ADAM22: variants seen among roughly 807,000 people sequenced by gnomAD.
ADAM22 encodes ADAM metallopeptidase domain 22, also known as disintegrin and metalloproteinase domain-containing protein 22.
In ADAM22, 65 loss-of-function variants were observed where a neutral mutation model predicts 144.6. The ratio of observed to expected loss-of-function variants is 0.45; its 90% CI spans 0.37 to 0.55. The LOEUF (loss-of-function observed/expected upper bound fraction) is 0.55. ADAM22 is among the 20% of genes least tolerant of loss of function. The pLI, the probability that ADAM22 is intolerant of heterozygous loss-of-function variation, is 0.00. For synonymous variants in ADAM22, 391 were observed against 412.6 expected (o/e 0.95, Z 0.63); for missense variants, 974 against 1,184.9 (o/e 0.82, Z 2.61).
At chr7:88,181,736 A>G in intron 28 of ADAM22, 131 bp downstream of exon 28, 1 of 855,630 alleles carries the variant, frequency 1.2e-6, no homozygotes, top group South Asian at 1.8e-5. Context: ...AATATGTAGA[A>G]TGAGAGCCTA....
chr7:87,943,499 C>G (rs1460949850), intron 2 of ADAM22, among the ~76,000 whole-genome samples: 2 of 152,058 alleles, frequency 1.3e-5, no homozygotes, highest in Admixed American at 6.6e-5. Flanking sequence ...AGTTATTTTA[C>G]ATATAATTAA....
At chr7:88,143,854 C>T (rs1489243476) in intron 15 of ADAM22, among the ~76,000 whole-genome samples, 1 of 152,184 alleles carries the variant, frequency 6.6e-6, no homozygotes, top group Non-Finnish European at 1.5e-5. Flanking sequence ...GAAAATGTAT[C>T]ATACTGAATT....
At chr7:88,113,725 T>A (rs1194836609) in intron 5 of ADAM22, among the ~76,000 whole-genome samples, 5 of 119,604 alleles carry the variant, frequency 4.2e-5, no homozygotes, top group Admixed American at 3.4e-4. Context: ...TATATATATA[T>A]ATATATATAT....
intron 3 of ADAM22, among the ~76,000 whole-genome samples, chr7:88,060,872 G>A (rs1809645050): frequency 1.3e-5 from 2 of 152,098 alleles, no homozygotes; most frequent in Non-Finnish European, 2.9e-5. Flanking sequence ...GGGAGGCTGA[G>A]GAGGGCGAAT....
chr7:88,033,347 A>C (rs907562277), intron 3 of ADAM22, among the ~76,000 whole-genome samples: 3 of 152,236 alleles, frequency 2.0e-5, no homozygotes, highest in African/African-American at 4.8e-5. Context: ...AATTCTGTTT[A>C]TCCAGGCAGA....
chr7:87,938,893 C>T (rs1284714367), intron 2 of ADAM22, among the ~76,000 whole-genome samples: 1 of 152,164 alleles, frequency 6.6e-6, no homozygotes, highest in Non-Finnish European at 1.5e-5. Context: ...TTGTGATCCG[C>T]CCACCTTGGC....
chr7:87,980,526 T>C (rs1031313858), intron 3 of ADAM22, among the ~76,000 whole-genome samples: 4 of 152,054 alleles, frequency 2.6e-5, no homozygotes, highest in East Asian at 1.9e-4. Context: ...GTGGAACATA[T>C]AGAAAATTTT....
intron 3 of ADAM22, among the ~76,000 whole-genome samples, chr7:88,026,827 G>T (rs1799130246): frequency 2.0e-5 from 3 of 152,088 alleles, no homozygotes; most frequent in Admixed American, 6.6e-5. Flanking sequence ...AGGTCTTTCA[G>T]TTTTTTTCCA....
intron 3 of ADAM22, among the ~76,000 whole-genome samples, chr7:88,011,308 G>C (rs1020040971): frequency 6.6e-6 from 1 of 152,126 alleles, no homozygotes; most frequent in African/African-American, 2.4e-5. Flanking sequence ...TTGGGAGGCC[G>C]AGGCGGGCGG....
At chr7:88,153,875 AC>A (rs1839164505) in intron 21 of ADAM22, among the ~76,000 whole-genome samples, 1 of 152,226 alleles carries the variant, frequency 6.6e-6, no homozygotes, top group African/African-American at 2.4e-5. Context: ...TTCAACTATT[AC>A]AAAATTCTTT....
chr7:88,007,719 C>T (rs1794295745), intron 3 of ADAM22, among the ~76,000 whole-genome samples: 1 of 152,098 alleles, frequency 6.6e-6, no homozygotes, highest in Non-Finnish European at 1.5e-5. Flanking sequence ...AAACTGGATC[C>T]CTTCCTTACA....
intron 27 of ADAM22, among the ~76,000 whole-genome samples, chr7:88,180,871 A>G (rs886079398): frequency 6.6e-6 from 1 of 152,164 alleles, no homozygotes; most frequent in Non-Finnish European, 1.5e-5. Flanking sequence ...GGTGGGCTCA[A>G]TGGTACATGG....
At chr7:88,114,137 T>G (rs1183579982) in intron 5 of ADAM22, among the ~76,000 whole-genome samples, 1 of 152,156 alleles carries the variant, frequency 6.6e-6, no homozygotes, top group African/African-American at 2.4e-5. Context: ...CTTCCATGTT[T>G]ATGGTAGGTC....
chr7:88,007,418 C>G, intron 3 of ADAM22, among the ~76,000 whole-genome samples: 1 of 152,000 alleles, frequency 6.6e-6, no homozygotes, highest in East Asian at 1.9e-4. Context: ...CATATGGAAC[C>G]AAAAAAGAGC....
chr7:87,948,769 G>C (rs565773390), intron 2 of ADAM22, among the ~76,000 whole-genome samples: 1 of 152,282 alleles, frequency 6.6e-6, no homozygotes, highest in South Asian at 2.1e-4. Context: ...CCATTAAGGA[G>C]GGGATTGGGG....
At chr7:88,125,321 ATAAAG>A (rs1210212910) in intron 7 of ADAM22, among the ~76,000 whole-genome samples, 2 of 152,182 alleles carry the variant, frequency 1.3e-5, no homozygotes, top group African/African-American at 4.8e-5. Flanking sequence ...TTTCCAGTAA[ATAAAG>A]TAATGATATT....
intron 2 of ADAM22, among the ~76,000 whole-genome samples, chr7:87,953,814 A>T (rs1459774297): frequency 4.6e-5 from 7 of 152,066 alleles, no homozygotes; most frequent in African/African-American, 1.7e-4. Context: ...TGCTTTATGA[A>T]TCTGGGTGCT....
chr7:88,073,860 G>A (rs1813477354), intron 3 of ADAM22, among the ~76,000 whole-genome samples: 2 of 152,224 alleles, frequency 1.3e-5, no homozygotes, highest in South Asian at 4.1e-4. Flanking sequence ...ACTGGGACAA[G>A]TATGCCTAGT....
At chr7:88,153,737 C>T (rs1839125384) in intron 21 of ADAM22, among the ~76,000 whole-genome samples, 1 of 152,162 alleles carries the variant, frequency 6.6e-6, no homozygotes. Context: ...AGTGATCCTT[C>T]CCTCTACACA....
Sources: allele counts gnomAD v4.1 joint callset (sites outside exome capture counted in the v4.1 genomes callset), GRCh38; gene constraint gnomAD v4.1.1; transcripts MANE v1.5; gene names NCBI Gene and HGNC (gene_info 2026-07-23, HGNC 2026-07-21).